Variants in GSDME observed in about 807,000 individuals in gnomAD.
GSDME encodes gasdermin-E.
GSDME carries 44 observed loss-of-function variants against 47.5 expected under a neutral mutation model. The ratio of observed to expected loss-of-function variants is 0.93; its 90% confidence interval spans 0.73 to 1.19. The LOEUF (loss-of-function observed/expected upper bound fraction) is 1.19. Ranked by LOEUF, GSDME falls within the 50% of genes most tolerant of loss-of-function variation. The pLI, the probability that GSDME is intolerant of heterozygous loss-of-function variation, is 0.00. For synonymous variants in GSDME, 258 were observed against 252.8 expected (o/e 1.02, Z -0.20); for missense variants, 663 against 604.2 (o/e 1.10, Z -1.02).
At chr7:24,788,536 T>C in the GSDME span, among the ~76,000 whole-genome samples, 1 of 152,216 alleles carries the variant, frequency 6.6e-6, no homozygotes. The surrounding 1 kb of genome is among the most constrained non-coding windows in gnomAD (Gnocchi z 4.6). Flanking sequence ...TTCTGTTTCC[T>C]GCAGGGGCAC....
rs2128063359 is a variant in GSDME, at chr7:24,744,988, T to TGTAC, written c.212-235_212-234insGTAC. Among the ~76,000 whole-genome samples the TGTAC allele has an allele frequency of 4.1e-5, 1 of 24,564 alleles. No individual in the cohort carries two copies. Among genetic ancestry groups the TGTAC allele is most frequent in the South Asian group, 2.5e-3 (1 of 398 alleles). The allele number at this position is 24,564 out of a possible 152,430, so 16.1% of individuals were successfully genotyped here. On this transcript the variant is annotated intron_variant, in intron 2 of 9. Transcript: ENST00000645220. This position sits in a 1 kb window ranked among gnomAD's most constrained non-coding sequence, Gnocchi z 4.5. ...ACACAGTGGACCAGTGCAGCACGTGTGTGTGTGTGTGTGTGTGTGTGTGTG... is the reference window on the plus strand; with the variant it reads ...ACACAGTGGACCAGTGCAGCACGTGTGTACGTGTGTGTGTGTGTGTGTGTGTGTG...
rs562817892 is a variant in GSDME at position 24,726,598 on chromosome 7, C to T, written c.405-7380G>A. Among the ~76,000 whole-genome samples the T allele has an allele frequency of 9.9e-5, 15 of 152,114 alleles. No homozygotes were observed. The highest frequency in any genetic ancestry group is 2.4e-4 in the African/African-American group (10 of 41,506). ...CAGCACTTTGGGAGGCCGAGGCGGG[C>T]GGATCACGAGGTCAGGAGATCGAGA... On this transcript the variant is annotated intron_variant, in intron 3 of 9. Coordinates refer to ENST00000645220, the MANE Select transcript of GSDME (RefSeq NM_001127453.2). This position sits in a 1 kb window ranked among gnomAD's most constrained non-coding sequence, Gnocchi z 5.6.
chr7:24,751,090 CTG>C (rs796191317), intron 1 of GSDME, among the ~76,000 whole-genome samples: 1 of 152,130 alleles, frequency 6.6e-6, no homozygotes, highest in African/African-American at 2.4e-5. Context: ...AAAGGGCAAA[CTG>C]AGAAAATAAT....
chr7:24,707,033 A>C (rs1282098323), intron 7 of GSDME, among the ~76,000 whole-genome samples: 1 of 152,208 alleles, frequency 6.6e-6, no homozygotes, highest in East Asian at 1.9e-4. Context: ...AGTAGAAGTC[A>C]ATGGGCTTTT....
In GSDME at chr7:24,744,589, T is replaced by C; in HGVS notation, c.377A>G (p.Gln126Arg). 1 of 1,614,214 alleles carries C rather than the reference T, an allele frequency of 6.2e-7. No individual in the cohort carries two copies. Among genetic ancestry groups the C allele is most frequent in the Non-Finnish European group, 8.5e-7 (1 of 1,180,038 alleles). Reference protein sequence around the residue: ...GTLRKQEVDLQQLIRDSAERT... With the variant: ...GTLRKQEVDLRQLIRDSAERT... ...CTCGGCAGAGTCTCTGATGAGCTGC[T>C]GCAAATCCACCTCCTGCTTCCTCAG... The change falls in exon 3 of 10, where the codon CAG becomes CGG. Residue 126 changes from glutamine (Q) to arginine (R), a missense_variant. Physicochemically the swap from Gln to Arg is conservative, Grantham distance 43. Coordinates refer to ENST00000645220, the MANE Select transcript of GSDME (RefSeq NM_001127453.2). This position sits in a 1 kb window ranked among gnomAD's most constrained non-coding sequence, Gnocchi z 4.5.
chr7:24,734,964 C>A (rs1257862796), intron 3 of GSDME, among the ~76,000 whole-genome samples: 1 of 152,106 alleles, frequency 6.6e-6, no homozygotes, highest in Non-Finnish European at 1.5e-5. Flanking sequence ...GAACACCAGG[C>A]AGATTTAACT....
intron 3 of GSDME, among the ~76,000 whole-genome samples, chr7:24,743,066 A>G (rs1054408718): frequency 6.6e-6 from 1 of 152,202 alleles, no homozygotes; most frequent in Non-Finnish European, 1.5e-5. Context: ...AAGTGCCCGT[A>G]GGCAGTAAAC....
At chr7:24,767,202 T>C in the GSDME span, among the ~76,000 whole-genome samples, 1 of 152,094 alleles carries the variant, frequency 6.6e-6, no homozygotes. The surrounding 1 kb of genome is among the most constrained non-coding windows in gnomAD (Gnocchi z 5.3). Context: ...TGGGCACCTA[T>C]AATCCCAGCT....
chr7:24,716,740 A>G lies in GSDME; in HGVS notation c.697+514T>C, dbSNP rs1789571099. On this transcript the variant is annotated intron_variant, in intron 5 of 9. Coordinates refer to ENST00000645220, the MANE Select transcript of GSDME (RefSeq NM_001127453.2). This position sits in a 1 kb window ranked among gnomAD's most constrained non-coding sequence, Gnocchi z 4.5. ...AGGTGGGGTAACAATAATGATGATAATGCTATTAATAGCAAAGGTGGAGGA... is the reference window on the plus strand; with the variant it reads ...AGGTGGGGTAACAATAATGATGATAGTGCTATTAATAGCAAAGGTGGAGGA... 1 of 182,746 alleles carries G rather than the reference A, an allele frequency of 5.5e-6. No homozygotes were observed. Among genetic ancestry groups the G allele is most frequent in the South Asian group, 1.3e-4 (1 of 7,748 alleles). 11.3% of individuals were successfully genotyped at this position (182,746 alleles called of 1,614,324 possible). A position where few individuals can be genotyped will look rare whatever the true frequency, so the allele number is the denominator to read the frequency against.
chr7:24,793,886 A>G, the GSDME span, among the ~76,000 whole-genome samples: 13 of 151,722 alleles, frequency 8.6e-5, no homozygotes, highest in Non-Finnish European at 2.9e-5. Context: ...CTGTTAGCAA[A>G]GCTGTTGCCA....
the GSDME span, among the ~76,000 whole-genome samples, chr7:24,791,036 G>C: frequency 6.6e-6 from 1 of 152,100 alleles, no homozygotes; most frequent in Admixed American, 6.5e-5. This position sits in a 1 kb window ranked among gnomAD's most constrained non-coding sequence, Gnocchi z 4.8. Flanking sequence ...CTGGATCAGG[G>C]CTTGTCGTCT....
intron 3 of GSDME, among the ~76,000 whole-genome samples, 175 bp from the exon 4 acceptor site, chr7:24,719,393 C>A (rs1031433864): frequency 6.6e-6 from 1 of 152,166 alleles, no homozygotes; most frequent in Non-Finnish European, 1.5e-5. Context: ...ACCAAACTCT[C>A]TTGAGGCCAC....
chr7:24,720,935 T>C (rs1789758300), intron 3 of GSDME, among the ~76,000 whole-genome samples: 1 of 151,172 alleles, frequency 6.6e-6, no homozygotes, highest in Non-Finnish European at 1.5e-5. Context: ...AGTGAAGTTC[T>C]GACATCTGCT....
At chr7:24,720,838 C>T (rs1005192120) in intron 3 of GSDME, among the ~76,000 whole-genome samples, 7 of 151,352 alleles carry the variant, frequency 4.6e-5, no homozygotes, top group African/African-American at 1.7e-4. Flanking sequence ...ACCCGGGAGG[C>T]GGAGGTTGCG....
At chr7:24,774,213 T>A in the GSDME span, among the ~76,000 whole-genome samples, 2 of 151,166 alleles carry the variant, frequency 1.3e-5, no homozygotes, top group African/African-American at 2.4e-5. Context: ...ACATGAACAG[T>A]ATCATATTCA....
chr7:24,744,480 C>CT lies in GSDME; in HGVS notation c.404+81_404+82insA. 7.1e-7 allele frequency: 1 copy of CT among 1,417,716 alleles called. No individual in the cohort carries two copies. Among genetic ancestry groups the CT allele is most frequent in the Non-Finnish European group, 9.9e-7 (1 of 1,006,082 alleles). The allele number at this position is 1,417,716 out of a possible 1,614,324, so 87.8% of individuals were successfully genotyped here. On this transcript the variant is annotated intron_variant, in intron 3 of 9. Transcript: ENST00000645220. The surrounding 1 kb of genome is among the most constrained non-coding windows in gnomAD (Gnocchi z 4.5). The stretch of plus-strand genomic sequence containing the variant: ...ATTGATCGGCAGAGATCAAATCTGT[C>CT]GCCCTTTTAACAAAGGTCCAACTGA...
chr7:24,763,558 G>A, the GSDME span, among the ~76,000 whole-genome samples: 15 of 152,300 alleles, frequency 9.8e-5, 1 homozygote, highest in South Asian at 3.1e-3. This position sits in a 1 kb window ranked among gnomAD's most constrained non-coding sequence, Gnocchi z 4.3. Context: ...GACAGCATGA[G>A]ATTTCATCAT....
chr7:24,767,602 A>G, the GSDME span, among the ~76,000 whole-genome samples: 380 of 149,520 alleles, frequency 2.5e-3, 4 homozygotes, highest in East Asian at 6.6e-3. The surrounding 1 kb of genome is among the most constrained non-coding windows in gnomAD (Gnocchi z 5.3). Context: ...TTTCAAAGGA[A>G]AATGGAGTTG....
At chr7:24,746,946 C>T (rs548759277) in intron 2 of GSDME, among the ~76,000 whole-genome samples, 1 of 152,330 alleles carries the variant, frequency 6.6e-6, no homozygotes, top group East Asian at 1.9e-4. Flanking sequence ...AAGTAGAAGA[C>T]GCTTCTCGTC....
Sources: gnomAD v4.1 joint callset for allele counts (sites outside exome capture counted in the v4.1 genomes callset) on GRCh38, gnomAD v4.1.1 for gene constraint, Gnocchi (gnomAD v3.1) non-coding constraint, MANE v1.5 for transcripts, NCBI Gene and HGNC (gene_info 2026-07-23, HGNC 2026-07-21) for gene names.